Variants in RMST observed in about 807,000 individuals in gnomAD.
RMST encodes the protein rhabdomyosarcoma 2 associated transcript, also known as long intergenic non-protein coding RNA 54.
At chr12:97,514,652 C>T (rs1455063641) in intron 10 of RMST, among the ~76,000 whole-genome samples, 1 of 149,974 alleles carries the variant, frequency 6.7e-6, no homozygotes, top group Non-Finnish European at 1.5e-5. Context: ...CCTGTTCATT[C>T]TTGGAAAGTA....
At chr12:97,471,119 G>C (rs1395619222) in intron 5 of RMST, among the ~76,000 whole-genome samples, 5 of 152,042 alleles carry the variant, frequency 3.3e-5, no homozygotes, top group Admixed American at 3.3e-4. Context: ...GAAAATCCAG[G>C]TGGATATTTA....
chr12:97,472,435 A>G (rs1874036807), intron 5 of RMST, among the ~76,000 whole-genome samples: 1 of 152,090 alleles, frequency 6.6e-6, no homozygotes, highest in Non-Finnish European at 1.5e-5. Flanking sequence ...GATCCATTTT[A>G]TTTTAAGCCT....
At chr12:97,530,024 G>A (rs545730744) in intron 10 of RMST, among the ~76,000 whole-genome samples, 30 of 152,032 alleles carry the variant, frequency 2.0e-4, no homozygotes, top group African/African-American at 5.8e-4. Flanking sequence ...TAGAGTATTC[G>A]TCTTCATGAA....
intron 5 of RMST, among the ~76,000 whole-genome samples, chr12:97,472,304 A>G (rs1000871947): frequency 6.6e-6 from 1 of 152,132 alleles, no homozygotes; most frequent in Non-Finnish European, 1.5e-5. Flanking sequence ...GAAACGGGAG[A>G]CATACATGGA....
intron 13 of RMST, among the ~76,000 whole-genome samples, chr12:97,562,134 A>T (rs776219537): frequency 2.8e-4 from 42 of 152,258 alleles, no homozygotes; most frequent in Non-Finnish European, 5.0e-4. Context: ...GTTGGCTTTC[A>T]GCAAGCATGT....
At chr12:97,533,322 G>A (rs1467936943) in intron 11 of RMST, 8 of 151,752 alleles carry the variant, frequency 5.3e-5, no homozygotes, top group African/African-American at 9.7e-5. Flanking sequence ...GCCAACCACC[G>A]AAATTGCATA....
At chr12:97,490,290 T>C (rs1876631088) in intron 5 of RMST, among the ~76,000 whole-genome samples, 1 of 152,218 alleles carries the variant, frequency 6.6e-6, no homozygotes, top group Non-Finnish European at 1.5e-5. Flanking sequence ...CATAATGATA[T>C]GCCAGTTTCA....
At chr12:97,488,840 C>G (rs1051442496) in intron 5 of RMST, among the ~76,000 whole-genome samples, 1 of 152,174 alleles carries the variant, frequency 6.6e-6, no homozygotes, top group Non-Finnish European at 1.5e-5. Flanking sequence ...TTGCATTACA[C>G]TTTCTTTGGG....
In RMST at chr12:97,512,877, G is replaced by A. The variant is rs558029886; in HGVS notation, n.1340+16821G>A. 9.3e-4 allele frequency among the ~76,000 whole-genome samples: 142 copies of A among 152,306 alleles called. 1 individual carries two copies. The highest frequency in any genetic ancestry group is 2.4e-3 in the Admixed American group (36 of 15,304). On this transcript the variant is annotated intron_variant and non_coding_transcript_variant, in intron 10 of 13. Coordinates refer to ENST00000640149, the Ensembl canonical transcript of RMST. ...GGCTCCGGGCTGCACAGGAGCCCAC[G>A]GAGGCGAGGGGGAGGCTCAGGCATG...
chr12:97,494,447 G>C (rs999058310), intron 8 of RMST, among the ~76,000 whole-genome samples: 1 of 152,168 alleles, frequency 6.6e-6, no homozygotes, highest in South Asian at 2.1e-4. Context: ...CTACTTGGGA[G>C]GCTGAGGTGG....
chr12:97,498,140 G>A (rs139359033), intron 10 of RMST, among the ~76,000 whole-genome samples: 49 of 152,172 alleles, frequency 3.2e-4, no homozygotes, highest in African/African-American at 1.2e-3. Context: ...TTAATTGGAA[G>A]CTTTGTGATT....
At chr12:97,471,359 G>C (rs1873891818) in intron 5 of RMST, among the ~76,000 whole-genome samples, 2 of 152,118 alleles carry the variant, frequency 1.3e-5, no homozygotes, top group Admixed American at 1.3e-4. Flanking sequence ...ACTTATATGG[G>C]AGGACCCTGC....
chr12:97,514,957 G>T (rs569067797), intron 10 of RMST, among the ~76,000 whole-genome samples: 5 of 152,096 alleles, frequency 3.3e-5, no homozygotes, highest in South Asian at 2.1e-4. Context: ...ACCTTTTTTT[G>T]TGTGTGAAAC....
At chr12:97,516,978 A>G (rs1592722606) in intron 10 of RMST, among the ~76,000 whole-genome samples, 1 of 151,992 alleles carries the variant, frequency 6.6e-6, no homozygotes, top group African/African-American at 2.4e-5. Context: ...GTCTTATGAA[A>G]GGTATCTAAT....
At chr12:97,491,938 CT>C (rs768158367) in intron 5 of RMST, 1 of 534,106 alleles carries the variant, frequency 1.9e-6, no homozygotes, top group Non-Finnish European at 3.9e-6. Context: ...GGCGCTTCTC[CT>C]TCTGAACAGA....
chr12:97,562,733 A>G (rs961797274), intron 13 of RMST, among the ~76,000 whole-genome samples: 6 of 152,214 alleles, frequency 3.9e-5, no homozygotes, highest in Non-Finnish European at 5.9e-5. Flanking sequence ...TGTTTTCTGC[A>G]TGATAATTGA....
chr12:97,525,581 G>T (rs189619056), intron 10 of RMST, among the ~76,000 whole-genome samples: 1 of 152,232 alleles, frequency 6.6e-6, no homozygotes, highest in Non-Finnish European at 1.5e-5. Flanking sequence ...TCTGTCCCCA[G>T]ACCCAAGTTT....
chr12:97,512,402 A>C (rs1879460065), intron 10 of RMST, among the ~76,000 whole-genome samples: 1 of 152,162 alleles, frequency 6.6e-6, no homozygotes, highest in Admixed American at 6.5e-5. Flanking sequence ...TGGCTCCGGC[A>C]GCCTGCTTTT....
intron 5 of RMST, chr12:97,492,021 A>G (rs768497039): frequency 4.0e-5 from 21 of 523,310 alleles, no homozygotes; most frequent in African/African-American, 9.6e-5. Context: ...TGGAGTTTGG[A>G]TTGATCTAAT....
Sources: allele counts gnomAD v4.1 joint callset (sites outside exome capture counted in the v4.1 genomes callset), GRCh38; gene constraint gnomAD v4.1.1; transcripts MANE v1.5; gene names NCBI Gene and HGNC (gene_info 2026-07-23, HGNC 2026-07-21).